CCDC144A: variants seen among roughly 807,000 people sequenced by gnomAD.
CCDC144A encodes the protein coiled-coil domain containing 144A, also known as coiled-coil domain-containing protein 144A.
CCDC144A carries 41 observed loss-of-function variants against 143.8 expected under a neutral mutation model. That is an observed-to-expected ratio of 0.29 (90% CI 0.22 to 0.37). The LOEUF is 0.37. Ranked by LOEUF, CCDC144A falls within the 10% of genes least tolerant of loss-of-function variation. The probability of loss-of-function intolerance (pLI) is 1.00; values close to 1 mark genes in which losing one functional copy is unlikely to be tolerated. For missense variants in CCDC144A, 637 were observed against 1,488.8 expected (o/e 0.43, Z 9.41); for synonymous variants, 242 against 517.9 (o/e 0.47, Z 7.23).
At chr17:16,726,835 A>C (rs1913454796) in intron 8 of CCDC144A, among the ~76,000 whole-genome samples, 1 of 138,810 alleles carries the variant, frequency 7.2e-6, no homozygotes, top group Non-Finnish European at 1.6e-5. Flanking sequence ...GCTTTACCAG[A>C]CTCTCAGCTT....
chr17:16,670,278 GTTTTTCT>G, the CCDC144A span, among the ~76,000 whole-genome samples: 12 of 146,478 alleles, frequency 8.2e-5, no homozygotes, highest in Middle Eastern at 3.3e-3. Context: ...ATAATCTTGT[GTTTTTCT>G]TTTTTCTTTT....
intron 8 of CCDC144A, among the ~76,000 whole-genome samples, chr17:16,724,878 C>A (rs1193133186): frequency 1.6e-5 from 2 of 122,918 alleles, no homozygotes; most frequent in East Asian, 4.8e-4. Flanking sequence ...GTCTCAATCT[C>A]CTGACCTCGT....
At chr17:16,703,605 C>G (rs541740930) in intron 2 of CCDC144A, among the ~76,000 whole-genome samples, 6 of 152,264 alleles carry the variant, frequency 3.9e-5, no homozygotes, top group Non-Finnish European at 8.8e-5. Context: ...GAGATCGAGA[C>G]CATCCTGGCT....
intron 9 of CCDC144A, among the ~76,000 whole-genome samples, chr17:16,729,963 C>CATAT (rs59756018): frequency 0.046 from 4,367 of 93,938 alleles, 301 homozygotes; most frequent in Admixed American, 0.087. Flanking sequence ...TAGGTAGTTT[C>CATAT]ATATATATAT....
At chr17:16,667,337 GC>G in the CCDC144A span, among the ~76,000 whole-genome samples, 10 of 134,588 alleles carry the variant, frequency 7.4e-5, no homozygotes, top group East Asian at 2.4e-4. Context: ...GGAGGCTGAG[GC>G]GGCTGAGGAG....
At chr17:16,729,110 A>T (rs1402492385) in intron 9 of CCDC144A, among the ~76,000 whole-genome samples, 1 of 152,176 alleles carries the variant, frequency 6.6e-6, no homozygotes, top group African/African-American at 2.4e-5. Flanking sequence ...GATGCCCAGT[A>T]GGGGATTGTT....
intron 9 of CCDC144A, among the ~76,000 whole-genome samples, chr17:16,729,419 G>T (rs1439549556): frequency 1.3e-5 from 2 of 152,148 alleles, no homozygotes; most frequent in Admixed American, 1.3e-4. Flanking sequence ...TGTCATTTGT[G>T]TACTTTTTGA....
chr17:16,768,708 A>G (rs551764612), intron 15 of CCDC144A, among the ~76,000 whole-genome samples: 101 of 152,326 alleles, frequency 6.6e-4, no homozygotes, highest in African/African-American at 2.4e-3. Flanking sequence ...ATAATTTAGC[A>G]GTAGCCTGTC....
chr17:16,708,781 C>T lies in CCDC144A; in HGVS notation c.739-15C>T, dbSNP rs1354555377. ...ATAAAACAAGCAAATTAATCTTCCA[C>T]TTTTGCATCTGCAGAAAACGTCTCA... On this transcript the variant is annotated splice_polypyrimidine_tract_variant and intron_variant, in intron 4 of 16. Transcript: ENST00000399273. 1 of 1,611,456 alleles carries T rather than the reference C, an allele frequency of 6.2e-7. No homozygotes were observed. The highest frequency in any genetic ancestry group is 1.3e-5 in the African/African-American group (1 of 74,846).
chr17:16,682,983 C>T, the CCDC144A span, among the ~76,000 whole-genome samples: 3 of 137,474 alleles, frequency 2.2e-5, no homozygotes, highest in Non-Finnish European at 4.6e-5. Flanking sequence ...CTCACTGCAA[C>T]CTCTGCCTCC....
chr17:16,703,817 C>T (rs1244084443), intron 2 of CCDC144A, among the ~76,000 whole-genome samples: 1 of 151,868 alleles, frequency 6.6e-6, no homozygotes, highest in Non-Finnish European at 1.5e-5. Flanking sequence ...AACAAACAAA[C>T]GAACAAAAAA....
intron 5 of CCDC144A, chr17:16,710,036 A>G (rs1181974757): frequency 4.8e-6 from 1 of 209,954 alleles, no homozygotes; most frequent in African/African-American, 2.4e-5. Context: ...GCAATGACTA[A>G]GAAGAGATAT....
At chr17:16,745,933 G>A in intron 12 of CCDC144A, 1 of 1,603,660 alleles carries the variant, frequency 6.2e-7, no homozygotes, top group East Asian at 2.2e-5. Context: ...CTGGAAAGCC[G>A]GTCAGGCTCG....
intron 12 of CCDC144A, among the ~76,000 whole-genome samples, chr17:16,760,784 A>AGAC (rs1310247427): frequency 5.6e-5 from 8 of 143,892 alleles, no homozygotes; most frequent in African/African-American, 2.2e-4. Context: ...AAGGAATAAG[A>AGAC]GACTTTGTGC....
chr17:16,755,341 T>C (rs564319785), intron 12 of CCDC144A, among the ~76,000 whole-genome samples: 2 of 152,384 alleles, frequency 1.3e-5, no homozygotes, highest in African/African-American at 2.4e-5. Context: ...CTCTACAATT[T>C]GCTGGTTTTC....
Position 16,771,857 on chromosome 17 carries a change from A to G in CCDC144A, c.4099-120A>G, listed in dbSNP as rs1423782668. The stretch of plus-strand genomic sequence containing the variant: ...TTATATGATATTTTTAATTTAAGCA[A>G]TCTTCAAGTTAGGTCTAGTCTGTAA... On this transcript the variant is annotated intron_variant, in intron 15 of 16. Transcript: ENST00000399273. 4 of 753,024 alleles carry G rather than the reference A, an allele frequency of 5.3e-6. No homozygotes were observed. In the African/African-American group the frequency reaches 7.4e-5, roughly 14 times the overall value. 46.6% of individuals were successfully genotyped at this position (753,024 alleles called of 1,614,324 possible).
At chr17:16,727,440 A>G in intron 8 of CCDC144A, 87 bp from the exon 9 acceptor site, 2 of 371,204 alleles carry the variant, frequency 5.4e-6, no homozygotes, top group Non-Finnish European at 9.4e-6. Context: ...TGTTCAATGT[A>G]TGAAGGAGAC....
intron 1 of CCDC144A, among the ~76,000 whole-genome samples, chr17:16,691,542 A>G (rs939985773): frequency 1.2e-3 from 188 of 152,062 alleles, no homozygotes; most frequent in African/African-American, 4.3e-3. Flanking sequence ...TGGGCGGATC[A>G]CGAGGTCAGG....
At position 16,776,385 on chromosome 17, in the gene CCDC144A, G is replaced by A. The variant is rs1427562821; in HGVS notation, c.*2752G>A. The A allele has an allele frequency of 6.6e-6, 1 of 152,102 alleles. No homozygotes were observed. Among genetic ancestry groups the A allele is most frequent in the Non-Finnish European group, 1.5e-5 (1 of 68,042 alleles). 9.4% of individuals were successfully genotyped at this position (152,102 alleles called of 1,614,324 possible). ...GTCATCTCTGATTTCTTTGAATAAT[G>A]GTTTATAGTTATCCTTGAAAAGGTC... is the stretch of plus-strand genomic sequence containing the variant. On this transcript the variant is annotated 3_prime_UTR_variant, in exon 17 of 17. Transcript: ENST00000399273.
Sources: allele counts gnomAD v4.1 joint callset (sites outside exome capture counted in the v4.1 genomes callset), GRCh38; gene constraint gnomAD v4.1.1; transcripts MANE v1.5; gene names NCBI Gene and HGNC (gene_info 2026-07-23, HGNC 2026-07-21).